Variants in INPP5D observed in about 807,000 individuals in gnomAD.
INPP5D encodes inositol polyphosphate-5-phosphatase D.
A neutral mutation model predicts 122.9 loss-of-function variants in INPP5D; 33 were observed. The observed-to-expected ratio is 0.27, with a 90% confidence interval of 0.20 to 0.36. The LOEUF (loss-of-function observed/expected upper bound fraction) is 0.36, where lower values mean the gene tolerates loss of function less well. INPP5D is among the 10% of genes least tolerant of loss of function. The probability of loss-of-function intolerance (pLI) is 1.00; values close to 1 mark genes in which losing one functional copy is unlikely to be tolerated. For synonymous variants in INPP5D, 584 were observed against 576.2 expected, an observed-to-expected ratio of 1.01 and a Z score of -0.19; for missense variants, 1,053 against 1,412.7, an observed-to-expected ratio of 0.75 and a Z score of 4.08.
chr2:233,198,157 G>A lies in INPP5D; in HGVS notation c.2756G>A (p.Gly919Glu). ...ATCAACCCCAACTACATGGGAGTGGGGCCCTTTGGGCCACCAATGCCCCTG... is the reference window on the plus strand; with the variant it reads ...ATCAACCCCAACTACATGGGAGTGGAGCCCTTTGGGCCACCAATGCCCCTG... ...EIINPNYMGV[G>E]PFGPPMPLHV... The change falls in exon 25 of 27, where the codon GGG becomes GAG. Residue 919 changes from glycine to glutamate, a missense_variant. Physicochemically the swap from Gly to Glu is moderately conservative, Grantham distance 98. Coordinates refer to ENST00000445964, the MANE Select transcript of INPP5D (RefSeq NM_001017915.3). 6.2e-7 allele frequency: 1 copy of A among 1,613,318 alleles called. No homozygotes were observed. Among genetic ancestry groups the A allele is most frequent in the Non-Finnish European group, 8.5e-7 (1 of 1,179,850 alleles).
At chr2:233,127,516 G>A (rs12694927) in intron 4 of INPP5D, among the ~76,000 whole-genome samples, 55,229 of 152,206 alleles carry the variant, frequency 0.36, 11,897 homozygotes, top group Non-Finnish European at 0.48. Flanking sequence ...GATCTCATCA[G>A]TTAGGTCTTA....
At chr2:233,139,798 G>A (rs921137275) in intron 5 of INPP5D, 44 bp from the exon 6 acceptor site, 9 of 398,076 alleles carry the variant, frequency 2.3e-5, no homozygotes, top group East Asian at 2.1e-4. Flanking sequence ...GACTCTTTCC[G>A]GTGCCCACTA....
At chr2:233,084,050 C>CTGTTTTGTTT (rs1016935069) in intron 2 of INPP5D, among the ~76,000 whole-genome samples, 1 of 152,056 alleles carries the variant, frequency 6.6e-6, no homozygotes. Context: ...AGGTGTTTTT[C>CTGTTTTGTTT]TGTTTTGTTT....
intron 2 of INPP5D, among the ~76,000 whole-genome samples, chr2:233,102,820 A>G (rs1284368350): frequency 1.3e-5 from 2 of 149,552 alleles, no homozygotes; most frequent in African/African-American, 5.0e-5. Flanking sequence ...ACTGCACTCC[A>G]GCCTGGGCGA....
intron 25 of INPP5D, among the ~76,000 whole-genome samples, chr2:233,201,302 T>C (rs1695334197): frequency 6.6e-6 from 1 of 152,184 alleles, no homozygotes; most frequent in Non-Finnish European, 1.5e-5. Context: ...GCATGATTAT[T>C]TGTGTAAGTG....
In INPP5D at chr2:233,169,329, C is replaced by T. The variant is rs1477017586; in HGVS notation, c.1580C>T (p.Ser527Leu). 2 of 1,605,706 alleles carry T rather than the reference C, an allele frequency of 1.2e-6. No homozygotes were observed. Among genetic ancestry groups the T allele is most frequent in the East Asian group, 2.2e-5 (1 of 44,764 alleles). ...TLGNKGAVGV[S>L]FMFNGTSLGF... ...GGGAACAAGGGAGCCGTGGGGGTGT[C>T]GTTCATGTTCAATGGAACCTCCTTA... The change falls in exon 14 of 27, where the codon TCG (serine) becomes TTG (leucine). Residue 527 changes from serine (S) to leucine (L), a missense_variant. Transcript: ENST00000445964.
intron 2 of INPP5D, among the ~76,000 whole-genome samples, chr2:233,116,615 G>A (rs1200093570): frequency 7.3e-6 from 1 of 137,268 alleles, no homozygotes. Context: ...TTTTTTCTTT[G>A]AGACAGAGTC....
At position 233,128,340 on chromosome 2, in the gene INPP5D, A is replaced by G. The variant is rs1157572032; in HGVS notation, c.525-2168A>G. 6.6e-6 allele frequency among the ~76,000 whole-genome samples: 1 copy of G among 152,218 alleles called. No individual in the cohort carries two copies. Among genetic ancestry groups the G allele is most frequent in the Non-Finnish European group, 1.5e-5 (1 of 68,040 alleles). On this transcript the variant is annotated intron_variant, in intron 4 of 26. Coordinates refer to ENST00000445964, the MANE Select transcript of INPP5D (RefSeq NM_001017915.3). The surrounding 1 kb of genome is among the most constrained non-coding windows in gnomAD (Gnocchi z 4.5). ...GGACCACTGTTTTTAATACTATAGAAGAGATGTTTGTCCCTTTTAGTAAAC... is the reference window on the plus strand; with the variant it reads ...GGACCACTGTTTTTAATACTATAGAGGAGATGTTTGTCCCTTTTAGTAAAC...
In INPP5D at chr2:233,206,717, G is replaced by A. The variant is rs1253442167; in HGVS notation, c.*9G>A. The A allele has an allele frequency of 2.6e-6, 2 of 771,524 alleles. No homozygotes were observed. The highest frequency in any genetic ancestry group is 2.4e-5 in the East Asian group (1 of 40,836). 47.8% of individuals were successfully genotyped at this position (771,524 alleles called of 1,614,324 possible). A position where few individuals can be genotyped will look rare whatever the true frequency, so the allele number is the denominator to read the frequency against. On this transcript the variant is annotated 3_prime_UTR_variant, in exon 27 of 27. Transcript: ENST00000445964. This position sits in a 1 kb window ranked among gnomAD's most constrained non-coding sequence, Gnocchi z 4.0. The stretch of plus-strand genomic sequence containing the variant: ...TTCTTGTCCCACAGTGAAGCCCTCA[G>A]TGAGCTGCCACTGAGTCGGGAGCCC...
At position 233,076,100 on chromosome 2, in the gene INPP5D, C is replaced by G. The variant is rs1369748531; in HGVS notation, c.135-3235C>G. 1.3e-5 allele frequency among the ~76,000 whole-genome samples: 2 copies of G among 152,330 alleles called. 1 individual carries two copies. The highest frequency in any genetic ancestry group is 4.8e-5 in the African/African-American group (2 of 41,566). On this transcript the variant is annotated intron_variant, in intron 1 of 26. Coordinates refer to ENST00000445964, the MANE Select transcript of INPP5D (RefSeq NM_001017915.3). ...CTCCCTTCGTGATTATGTTCTTTCTCTCTGTCTACAGGCTGATGTTTGGGC... is the reference window on the plus strand; with the variant it reads ...CTCCCTTCGTGATTATGTTCTTTCTGTCTGTCTACAGGCTGATGTTTGGGC...
At chr2:233,195,889 C>T (rs59929577) in intron 24 of INPP5D, among the ~76,000 whole-genome samples, 6,452 of 152,216 alleles carry the variant, frequency 0.042, 475 homozygotes, top group African/African-American at 0.15. Flanking sequence ...AAGAATTGCT[C>T]GAACCCAGGA....
chr2:233,197,799 C>G lies in INPP5D; in HGVS notation c.2694-296C>G, dbSNP rs190720280. ...ACATCAATACCGTGTCTCTGTGTCA[C>G]TGAGCTTGTTTTTCTCTCCCATCAA... On this transcript the variant is annotated intron_variant, in intron 24 of 26. Coordinates refer to ENST00000445964, the MANE Select transcript of INPP5D (RefSeq NM_001017915.3). This position sits in a 1 kb window ranked among gnomAD's most constrained non-coding sequence, Gnocchi z 4.4. Among the ~76,000 whole-genome samples, 9 of 152,304 alleles carry G rather than the reference C, an allele frequency of 5.9e-5. No homozygotes were observed. The highest frequency in any genetic ancestry group is 1.9e-4 in the African/African-American group (8 of 41,560).
At chr2:233,087,029 T>C (rs1374466066) in intron 2 of INPP5D, among the ~76,000 whole-genome samples, 1 of 152,178 alleles carries the variant, frequency 6.6e-6, no homozygotes, top group African/African-American at 2.4e-5. Flanking sequence ...AATCAATCAG[T>C]ATTTTAACAA....
intron 1 of INPP5D, among the ~76,000 whole-genome samples, chr2:233,068,310 G>A (rs987005106): frequency 6.7e-6 from 1 of 148,944 alleles, no homozygotes; most frequent in Admixed American, 6.7e-5. Flanking sequence ...AAATCATGCT[G>A]GTGATCAGGT....
chr2:233,086,118 C>CCTCTTTCTTTCTTTCTTTCTTCCT (rs1691825387), intron 2 of INPP5D, among the ~76,000 whole-genome samples: 2 of 105,950 alleles, frequency 1.9e-5, no homozygotes, highest in Admixed American at 1.9e-4. Context: ...GATAAGATAG[C>CCTCTTTCTTTCTTTCTTTCTTCCT]CTCTTTCTTT....
chr2:233,109,035 T>G (rs1658805048), intron 2 of INPP5D, among the ~76,000 whole-genome samples: 1 of 151,762 alleles, frequency 6.6e-6, no homozygotes, highest in South Asian at 2.1e-4. Context: ...AATCAAGCCA[T>G]GGGTTGTGGC....
In INPP5D at chr2:233,082,318, G is replaced by A. The variant is rs371707540; in HGVS notation, c.198+2920G>A. 4.6e-5 allele frequency among the ~76,000 whole-genome samples: 7 copies of A among 152,264 alleles called. No individual in the cohort carries two copies. The highest frequency in any genetic ancestry group is 1.2e-4 in the African/African-American group (5 of 41,558). Reference sequence around the variant, plus strand: ...CAATTAAGCAGACTCAGAGCCCTTCGGGGAAGCTTTAGCAGTTATTGATCT... The same window carrying A: ...CAATTAAGCAGACTCAGAGCCCTTCAGGGAAGCTTTAGCAGTTATTGATCT... On this transcript the variant is annotated intron_variant, in intron 2 of 26. Transcript: ENST00000445964. This position sits in a 1 kb window ranked among gnomAD's most constrained non-coding sequence, Gnocchi z 4.7.
At chr2:233,182,808 AG>A (rs1265985049) in intron 19 of INPP5D, among the ~76,000 whole-genome samples, 6 of 148,556 alleles carry the variant, frequency 4.0e-5, no homozygotes, top group Admixed American at 1.3e-4. Context: ...GGATGGGAGG[AG>A]GGGGCGGGGG....
intron 10 of INPP5D, among the ~76,000 whole-genome samples, chr2:233,159,693 C>CAA (rs548439384): frequency 0.7 from 64,112 of 91,944 alleles, 24,895 homozygotes; most frequent in Non-Finnish European, 0.84. Flanking sequence ...GATCCTGTCT[C>CAA]AAAAAAAAAA....
Sources: gnomAD v4.1 joint callset for allele counts (sites outside exome capture counted in the v4.1 genomes callset) on GRCh38, gnomAD v4.1.1 for gene constraint, Gnocchi (gnomAD v3.1) non-coding constraint, MANE v1.5 for transcripts, NCBI Gene and HGNC (gene_info 2026-07-23, HGNC 2026-07-21) for gene names.